The following UTRN variants were observed in gnomAD, a reference collection of about 807,000 sequenced individuals.
The protein encoded by UTRN is utrophin, also known as dystrophin-related protein 1.
A neutral mutation model predicts 463.9 loss-of-function variants in UTRN; 283 were observed. The observed-to-expected ratio is 0.61, with a 90% CI of 0.55 to 0.67. UTRN has a LOEUF of 0.67. Ranked by LOEUF, UTRN falls within the 30% of genes least tolerant of loss-of-function variation. The probability of loss-of-function intolerance (pLI) is 0.00; values close to 1 mark genes in which losing one functional copy is unlikely to be tolerated. For missense variants in UTRN, 3,922 were observed against 4,084.3 expected (o/e 0.96, Z 1.08); for synonymous variants, 1,442 against 1,431.5 (o/e 1.01, Z -0.17).
chr6:144,839,355 T>C, intron 72 of UTRN, 71 bp downstream of exon 72: 2 of 1,274,946 alleles, frequency 1.6e-6, no homozygotes, highest in South Asian at 2.5e-5. Flanking sequence ...GTGTTTCCTG[T>C]TAAGTAACAT....
At position 144,851,134 on chromosome 6, in the gene UTRN, TGAAAG is replaced by T; in HGVS notation, c.*138_*142del. ...GTTGAGTGCTGACTGTGTGTTCTAC[TGAAAG>T]AGTAAAACACTGACTATCCAAAGAG... On this transcript the variant is annotated 3_prime_UTR_variant, in exon 75 of 75. Coordinates refer to ENST00000367545, the MANE Select transcript of UTRN (RefSeq NM_007124.3). 8 of 1,112,368 alleles carry T rather than the reference TGAAAG, an allele frequency of 7.2e-6. No homozygotes were observed. Among genetic ancestry groups the T allele is most frequent in the Non-Finnish European group, 8.2e-6 (6 of 729,692 alleles). 68.9% of individuals were successfully genotyped at this position (1,112,368 alleles called of 1,614,324 possible). A position where few individuals can be genotyped will look rare whatever the true frequency, so the allele number is the denominator to read the frequency against.
chr6:144,744,775 TCC>T (rs1562852413), intron 54 of UTRN, among the ~76,000 whole-genome samples: 2 of 152,156 alleles, frequency 1.3e-5, no homozygotes, highest in Non-Finnish European at 2.9e-5. Flanking sequence ...TTACTGCCTT[TCC>T]CAATGCAAAT....
At chr6:144,650,225 C>T (rs1778668432) in intron 51 of UTRN, among the ~76,000 whole-genome samples, 1 of 152,148 alleles carries the variant, frequency 6.6e-6, no homozygotes, top group Admixed American at 6.5e-5. Flanking sequence ...ATTTAATTAC[C>T]TCCCACCAAG....
At position 144,487,571 on chromosome 6, in the gene UTRN, C is replaced by T; in HGVS notation, c.3846C>T (p.His1282=). The change falls in exon 29 of 75, where the codon CAC becomes CAT. Residue 1282 remains histidine (H), a synonymous_variant. Transcript: ENST00000367545. ...AGTCTCTGGAATCTGTTCTGCGCCA[C>T]CCGGCAGATAATCGCACCCAGATTC... ...ALESLESVLR[H]PADNRTQIRE... is the part of the protein sequence containing the mutation. The T allele has an allele frequency of 1.9e-6, 3 of 1,612,716 alleles. No homozygotes were observed. The highest frequency in any genetic ancestry group is 2.5e-6 in the Non-Finnish European group (3 of 1,179,230).
chr6:144,477,421 A>C (rs931672455), intron 25 of UTRN, among the ~76,000 whole-genome samples: 5 of 152,142 alleles, frequency 3.3e-5, no homozygotes, highest in Non-Finnish European at 7.4e-5. Flanking sequence ...AACATGTTCA[A>C]ATGTAAAGAA....
intron 51 of UTRN, among the ~76,000 whole-genome samples, chr6:144,592,596 C>T (rs1803208914): frequency 6.6e-6 from 1 of 152,128 alleles, no homozygotes; most frequent in Non-Finnish European, 1.5e-5. Context: ...GTCTCGATCT[C>T]TTGACCTCGT....
intron 43 of UTRN, among the ~76,000 whole-genome samples, chr6:144,534,213 G>A (rs146437118): frequency 1.5e-4 from 23 of 152,172 alleles, no homozygotes; most frequent in African/African-American, 5.1e-4. Flanking sequence ...AGTACGTTTT[G>A]GTTGAGAGAT....
At chr6:144,716,725 A>C (rs80241114) in intron 53 of UTRN, among the ~76,000 whole-genome samples, 1 of 152,074 alleles carries the variant, frequency 6.6e-6, no homozygotes, top group African/African-American at 2.4e-5. Flanking sequence ...TCCTTTTTGC[A>C]TATTTACCTT....
intron 47 of UTRN, among the ~76,000 whole-genome samples, chr6:144,550,724 C>A: frequency 6.6e-6 from 1 of 151,980 alleles, no homozygotes; most frequent in Admixed American, 6.6e-5. Context: ...TTTGTGAAAA[C>A]AAAAACACAG....
Position 144,781,946 on chromosome 6 carries a change from C to T in UTRN, c.8657C>T (p.Thr2886Ile). The T allele has an allele frequency of 2.5e-6, 4 of 1,613,884 alleles. No homozygotes were observed. The highest frequency in any genetic ancestry group is 3.4e-6 in the Non-Finnish European group (4 of 1,179,920). Residue 2886 changes from threonine to isoleucine, a missense_variant, in exon 61 of 75, where the codon ACA (threonine) becomes ATA (isoleucine). By Grantham distance (89) the Thr-to-Ile change is moderately conservative. This residue lies in a region of UTRN where 1,309 missense variants were observed against 1,452.6 expected (regional missense o/e 0.90). Coordinates refer to ENST00000367545, the MANE Select transcript of UTRN (RefSeq NM_007124.3). The stretch of plus-strand genomic sequence containing the variant: ...GTGGATCTCTTAGAGTTGAGTACAA[C>T]AAATGAAATTTTCAAACAGCACAAG... ...LCLDLLELST[T>I]NEIFKQHKLN...
intron 23 of UTRN, among the ~76,000 whole-genome samples, chr6:144,466,802 A>C (rs181334109): frequency 6.6e-6 from 1 of 152,344 alleles, no homozygotes; most frequent in Admixed American, 6.5e-5. Context: ...TGCCCTATGT[A>C]TAACTGGGAA....
In UTRN at chr6:144,717,634, CTT is replaced by C. The variant is rs869170852; in HGVS notation, c.7810-12705_7810-12704del. Among the ~76,000 whole-genome samples, 328 of 70,112 alleles carry C rather than the reference CTT, an allele frequency of 4.7e-3. 1 individual carries two copies. The highest frequency in any genetic ancestry group is 0.025 in the African/African-American group (299 of 12,032). 46.0% of individuals were successfully genotyped at this position (70,112 alleles called of 152,430 possible). On this transcript the variant is annotated intron_variant, in intron 53 of 74. Transcript: ENST00000367545. ...TCTTTTTCTTTTTCTTTTCTTTTTTCTTTTTTTTTTTTTTTTTTTGAGACAGA... is the reference window on the plus strand; with the variant it reads ...TCTTTTTCTTTTTCTTTTCTTTTTTCTTTTTTTTTTTTTTTTTGAGACAGA...
chr6:144,666,748 A>C (rs1394337112), intron 51 of UTRN, among the ~76,000 whole-genome samples: 1 of 152,174 alleles, frequency 6.6e-6, no homozygotes, highest in African/African-American at 2.4e-5. Context: ...CACATACTGA[A>C]AATTATATTC....
At chr6:144,609,550 T>C (rs1805248524) in intron 51 of UTRN, among the ~76,000 whole-genome samples, 1 of 152,170 alleles carries the variant, frequency 6.6e-6, no homozygotes, top group South Asian at 2.1e-4. Flanking sequence ...AAAATCAGTA[T>C]AGAAACTTTG....
intron 65 of UTRN, among the ~76,000 whole-genome samples, chr6:144,818,282 TG>T: frequency 6.6e-6 from 1 of 152,362 alleles, no homozygotes; most frequent in South Asian, 2.1e-4. Flanking sequence ...CGAAGGGTCA[TG>T]GGTACAGAGT....
intron 66 of UTRN, 100 bp downstream of exon 66, chr6:144,821,118 A>G (rs938216580): frequency 7.5e-6 from 10 of 1,338,844 alleles, no homozygotes; most frequent in Admixed American, 2.7e-5. Context: ...TACCAACTGC[A>G]TTTTAGAGGA....
At chr6:144,509,074 T>C (rs191715840) in intron 34 of UTRN, among the ~76,000 whole-genome samples, 46 of 152,312 alleles carry the variant, frequency 3.0e-4, no homozygotes, top group Non-Finnish European at 5.7e-4. Context: ...ATTCTTAAAT[T>C]CTATTGGAAA....
Position 144,611,245 on chromosome 6 carries a change from C to T in UTRN, c.7479+33957C>T, listed in dbSNP as rs184458114. ...ACACAGTAAAGGATGTATAGACAAA[C>T]ATTTAGCTAACATCATTCCCAGTGG... On this transcript the variant is annotated intron_variant, in intron 51 of 74. Coordinates refer to ENST00000367545, the MANE Select transcript of UTRN (RefSeq NM_007124.3). Among the ~76,000 whole-genome samples the T allele has an allele frequency of 3.9e-4, 59 of 152,288 alleles. 1 individual carries two copies. The highest frequency in any genetic ancestry group is 9.8e-4 in the Admixed American group (15 of 15,280).
intron 41 of UTRN, among the ~76,000 whole-genome samples, chr6:144,528,732 T>A (rs1379547193): frequency 2.0e-5 from 3 of 151,952 alleles, no homozygotes; most frequent in African/African-American, 7.3e-5. Context: ...TCTGTGAGAG[T>A]CCTTGGTTGT....
Sources: allele counts gnomAD v4.1 joint callset (sites outside exome capture counted in the v4.1 genomes callset), GRCh38; gene constraint gnomAD v4.1.1; regional missense constraint gnomAD v4.1.1; transcripts MANE v1.5; gene names NCBI Gene and HGNC (gene_info 2026-07-23, HGNC 2026-07-21).